Variants in PRMT8 observed in about 807,000 individuals in gnomAD.
PRMT8 encodes the protein protein arginine methyltransferase 8, also known as protein arginine N-methyltransferase 8.
PRMT8 carries 7 observed loss-of-function variants against 47.1 expected under a neutral mutation model. The observed-to-expected ratio is 0.15, with a 90% confidence interval of 0.08 to 0.28. The LOEUF is 0.28. Among genes scored for constraint, PRMT8 ranks in the 10% least tolerant of loss-of-function variants. PRMT8 has a pLI of 1.00. For missense variants in PRMT8, 237 were observed against 505.4 expected, an observed-to-expected ratio of 0.47 and a Z score of 5.09; for synonymous variants, 188 against 186.5, an observed-to-expected ratio of 1.01 and a Z score of -0.07.
At chr12:3,434,251 G>A (rs1410631756) in intron 1 of PRMT8, among the ~76,000 whole-genome samples, 1 of 152,260 alleles carries the variant, frequency 6.6e-6, no homozygotes, top group South Asian at 2.1e-4. Flanking sequence ...TGAAGCTGAG[G>A]TGCTCCAGAG....
chr12:3,457,842 CTTTTTTTTTTTTTT>C (rs762181050), intron 1 of PRMT8, among the ~76,000 whole-genome samples: 1 of 81,100 alleles, frequency 1.2e-5, no homozygotes, highest in East Asian at 4.3e-4. Context: ...TTCCAGTTTG[CTTTTTTTTTTTTTT>C]TTTTTTTTTT....
chr12:3,417,021 G>A (rs1864490460), intron 1 of PRMT8, among the ~76,000 whole-genome samples: 1 of 152,210 alleles, frequency 6.6e-6, no homozygotes, highest in Non-Finnish European at 1.5e-5. Context: ...TTTAGCAGAG[G>A]GAACCTTATT....
intron 7 of PRMT8, among the ~76,000 whole-genome samples, chr12:3,579,821 A>G (rs7307502): frequency 0.34 from 51,427 of 152,062 alleles, 8,980 homozygotes; most frequent in Middle Eastern, 0.45. Context: ...ACATTGTTTA[A>G]CGGTGGGGAT....
At chr12:3,423,939 C>T (rs768954038) in intron 1 of PRMT8, among the ~76,000 whole-genome samples, 86 of 152,162 alleles carry the variant, frequency 5.7e-4, no homozygotes, top group Non-Finnish European at 1.0e-3. Flanking sequence ...TTTTTTGAGC[C>T]GGGAATTCGT....
intron 1 of PRMT8, among the ~76,000 whole-genome samples, chr12:3,455,311 G>A (rs1864962722): frequency 6.6e-6 from 1 of 152,156 alleles, no homozygotes; most frequent in Non-Finnish European, 1.5e-5. Context: ...CACCCTTTGT[G>A]GCTGCAGATT....
At chr12:3,522,022 A>G (rs1454573145) in intron 1 of PRMT8, among the ~76,000 whole-genome samples, 1 of 152,190 alleles carries the variant, frequency 6.6e-6, no homozygotes, top group African/African-American at 2.4e-5. Flanking sequence ...TTGAAAAAGT[A>G]AAAAGAATAA....
chr12:3,423,085 C>T (rs988648962), intron 1 of PRMT8, among the ~76,000 whole-genome samples: 1 of 152,176 alleles, frequency 6.6e-6, no homozygotes, highest in Non-Finnish European at 1.5e-5. Flanking sequence ...ATCCTCCTAG[C>T]GCTGGGAACC....
At chr12:3,513,478 G>A (rs1016502392) in intron 1 of PRMT8, among the ~76,000 whole-genome samples, 2 of 152,154 alleles carry the variant, frequency 1.3e-5, no homozygotes, top group African/African-American at 2.4e-5. Context: ...TTGAGCCTGC[G>A]TAATGACATC....
At chr12:3,459,209 A>G (rs1478676245) in intron 1 of PRMT8, among the ~76,000 whole-genome samples, 2 of 152,186 alleles carry the variant, frequency 1.3e-5, no homozygotes, top group Non-Finnish European at 1.5e-5. Flanking sequence ...GACTTTCACT[A>G]TGGGGAGGAA....
At chr12:3,491,184 G>A, upstream of PRMT8, 3 of 991,530 alleles carry the variant, frequency 3.0e-6, no homozygotes, top group Non-Finnish European at 3.6e-6. Context: ...CCCTAGGAGA[G>A]ACGCGCAGGA....
chr12:3,527,136 A>G (rs1185449557), intron 1 of PRMT8, among the ~76,000 whole-genome samples: 1 of 152,154 alleles, frequency 6.6e-6, no homozygotes, highest in African/African-American at 2.4e-5. Flanking sequence ...ATTAGGGTTT[A>G]TGGTATATGT....
chr12:3,515,018 C>T lies in PRMT8; in HGVS notation c.75+23318C>T, dbSNP rs116473348. 2.4e-3 allele frequency among the ~76,000 whole-genome samples: 364 copies of T among 151,862 alleles called. 2 individuals are homozygous for T. The highest frequency in any genetic ancestry group is 8.2e-3 in the African/African-American group (336 of 41,226). On this transcript the variant is annotated intron_variant, in intron 1 of 9. Coordinates refer to ENST00000382622, the MANE Select transcript of PRMT8 (RefSeq NM_019854.5). The stretch of plus-strand genomic sequence containing the variant: ...GCCAGGCACTTTTCGAAGCTTTCTA[C>T]ATGAATTCTGTCTTTTAAATCCTAA...
chr12:3,386,719 C>CTT (rs1251824774), intron 1 of PRMT8, among the ~76,000 whole-genome samples: 1 of 147,088 alleles, frequency 6.8e-6, no homozygotes, highest in Admixed American at 6.8e-5. Context: ...TTTTTTCTTT[C>CTT]TTTCTTTTTT....
intron 1 of PRMT8, among the ~76,000 whole-genome samples, chr12:3,415,084 T>C (rs1030600824): frequency 2.6e-5 from 4 of 152,054 alleles, no homozygotes; most frequent in Admixed American, 1.3e-4. Context: ...CGGCTATACA[T>C]TGGGGTTTCC....
intron 1 of PRMT8, among the ~76,000 whole-genome samples, chr12:3,425,424 C>A (rs1185643777): frequency 7.2e-5 from 11 of 152,242 alleles, no homozygotes; most frequent in Non-Finnish European, 8.8e-5. Flanking sequence ...CAGGGCCCCA[C>A]AGTCTGGATT....
Position 3,515,352 on chromosome 12 carries a change from C to T in PRMT8, c.75+23652C>T, listed in dbSNP as rs201255205. ...CCCTGGGCCAGTAGCATCAGCGTCACCTGGGAACTTGTTAGAAATGCAAAT... is the reference window on the plus strand; with the variant it reads ...CCCTGGGCCAGTAGCATCAGCGTCATCTGGGAACTTGTTAGAAATGCAAAT... On this transcript the variant is annotated intron_variant, in intron 1 of 9. Coordinates refer to ENST00000382622, the MANE Select transcript of PRMT8 (RefSeq NM_019854.5). Among the ~76,000 whole-genome samples the T allele has an allele frequency of 5.9e-5, 9 of 152,264 alleles. No individual in the cohort carries two copies. The East Asian group carries it at 1.2e-3, about 20-fold the overall frequency.
chr12:3,428,317 C>T (rs796838303), intron 1 of PRMT8, among the ~76,000 whole-genome samples: 38 of 151,960 alleles, frequency 2.5e-4, no homozygotes, highest in African/African-American at 7.7e-4. Context: ...CTTTTGTCCC[C>T]GCTTTTTTTT....
intron 1 of PRMT8, among the ~76,000 whole-genome samples, chr12:3,479,947 C>T (rs748031410): frequency 2.0e-5 from 3 of 151,906 alleles, no homozygotes; most frequent in Non-Finnish European, 4.4e-5. Flanking sequence ...AAGGTTAAAA[C>T]GTGTGAGGGG....
chr12:3,425,289 G>T (rs1864591659), intron 1 of PRMT8, among the ~76,000 whole-genome samples: 1 of 152,204 alleles, frequency 6.6e-6, no homozygotes, highest in South Asian at 2.1e-4. Context: ...TTTAGGTTTT[G>T]CCCAAGAGTT....
Sources: allele counts gnomAD v4.1 joint callset (sites outside exome capture counted in the v4.1 genomes callset), GRCh38; gene constraint gnomAD v4.1.1; transcripts MANE v1.5; gene names NCBI Gene and HGNC (gene_info 2026-07-23, HGNC 2026-07-21).